The following CDH9 variants were observed in gnomAD, a reference collection of about 807,000 sequenced individuals.
CDH9 encodes the protein cadherin 9.
In CDH9, 28 loss-of-function variants were observed where a neutral mutation model predicts 70.9. That is an observed-to-expected ratio of 0.40 (90% CI 0.29 to 0.54). The LOEUF (loss-of-function observed/expected upper bound fraction) is 0.54, where lower values mean the gene tolerates loss of function less well. Among genes scored for constraint, CDH9 ranks in the 20% least tolerant of loss-of-function variants. The pLI, the probability that CDH9 is intolerant of heterozygous loss-of-function variation, is 0.59. For synonymous variants in CDH9, 409 were observed against 343.1 expected (o/e 1.19, Z -2.12); for missense variants, 874 against 984.4 (o/e 0.89, Z 1.50).
chr5:27,035,573 CA>C (rs1743377071), intron 1 of CDH9, among the ~76,000 whole-genome samples: 1 of 151,370 alleles, frequency 6.6e-6, no homozygotes, highest in Non-Finnish European at 1.5e-5. Flanking sequence ...TAACTTTAAG[CA>C]GACGATTTAC....
chr5:26,898,517 C>A (rs895259073), intron 7 of CDH9, among the ~76,000 whole-genome samples: 7 of 152,066 alleles, frequency 4.6e-5, no homozygotes, highest in Non-Finnish European at 8.8e-5. Context: ...AATAATGCCA[C>A]ATATCTACAG....
intron 2 of CDH9, among the ~76,000 whole-genome samples, chr5:26,964,793 C>G (rs1742100936): frequency 7.0e-6 from 1 of 143,570 alleles, no homozygotes; most frequent in Non-Finnish European, 1.5e-5. Context: ...ACCCCCACCA[C>G]CCCCCAACAG....
At chr5:27,035,193 T>A (rs1579526028) in intron 1 of CDH9, among the ~76,000 whole-genome samples, 3 of 127,860 alleles carry the variant, frequency 2.3e-5, no homozygotes, top group African/African-American at 5.9e-5. Context: ...ATATATATAT[T>A]TAACTTGACA....
At chr5:27,016,863 A>C (rs536952834) in intron 1 of CDH9, among the ~76,000 whole-genome samples, 2 of 151,898 alleles carry the variant, frequency 1.3e-5, no homozygotes, top group Admixed American at 1.3e-4. Flanking sequence ...TTATTCATTC[A>C]ATATTAAATC....
At chr5:26,994,251 T>C (rs548875374) in intron 1 of CDH9, among the ~76,000 whole-genome samples, 1 of 152,274 alleles carries the variant, frequency 6.6e-6, no homozygotes, top group East Asian at 1.9e-4. Flanking sequence ...TTGGAATAAG[T>C]ATAGACTTTG....
intron 1 of CDH9, among the ~76,000 whole-genome samples, chr5:27,030,203 C>T (rs1308833784): frequency 6.6e-6 from 1 of 151,864 alleles, no homozygotes; most frequent in East Asian, 1.9e-4. Context: ...GTGACCTTGA[C>T]AATACTCAAC....
chr5:26,934,693 A>G (rs369283444), intron 2 of CDH9, among the ~76,000 whole-genome samples: 5 of 152,296 alleles, frequency 3.3e-5, no homozygotes, highest in South Asian at 2.1e-4. Flanking sequence ...AAATGCCATC[A>G]TCTACCACTG....
intron 1 of CDH9, among the ~76,000 whole-genome samples, chr5:26,997,429 G>A (rs1290618288): frequency 6.6e-6 from 1 of 151,936 alleles, no homozygotes; most frequent in African/African-American, 2.4e-5. Flanking sequence ...TCTTGGAGAT[G>A]GCCAAGATAC....
intron 7 of CDH9, among the ~76,000 whole-genome samples, chr5:26,901,949 T>G (rs1402550524): frequency 6.6e-6 from 1 of 151,938 alleles, no homozygotes; most frequent in Non-Finnish European, 1.5e-5. Context: ...AATTTTGATA[T>G]GTGTTAGGCC....
chr5:26,906,770 C>T lies in CDH9; in HGVS notation c.592G>A (p.Val198Ile), dbSNP rs1261073842. The part of the protein sequence containing the change: ...DANYGNSAKV[V>I]YSILQGQPYF... ...GGCTGTCCTTGCAATATGCTATAGA[C>T]CACTTTGGCACTATTTCCATAGTTG... is the stretch of plus-strand genomic sequence containing the variant. Residue 198 changes from valine to isoleucine, a missense_variant, in exon 4 of 12, where the codon GTC (valine) becomes ATC (isoleucine). By Grantham distance (29) the Val-to-Ile change is conservative. Transcript: ENST00000231021. 3 of 1,613,036 alleles carry T rather than the reference C, an allele frequency of 1.9e-6. No homozygotes were observed. In the East Asian group the frequency reaches 6.7e-5, roughly 36 times the overall value.
intron 1 of CDH9, among the ~76,000 whole-genome samples, chr5:27,012,726 A>C (rs1007518673): frequency 6.6e-6 from 1 of 152,048 alleles, no homozygotes; most frequent in Non-Finnish European, 1.5e-5. Flanking sequence ...ATGTACTCTA[A>C]CTTAACTTCA....
intron 1 of CDH9, among the ~76,000 whole-genome samples, chr5:27,001,840 A>ACTCTCTCTCTCTCTCT (rs1275615228): frequency 1.6e-5 from 2 of 123,552 alleles, no homozygotes; most frequent in African/African-American, 7.2e-5. Context: ...ACACACACAC[A>ACTCTCTCTCTCTCTCT]CACACTCTCT....
chr5:26,911,926 G>A (rs538501482), intron 3 of CDH9, among the ~76,000 whole-genome samples: 128 of 152,114 alleles, frequency 8.4e-4, no homozygotes, highest in Middle Eastern at 3.4e-3. Context: ...GAAGCAGAGG[G>A]AAACAAGAAG....
intron 2 of CDH9, among the ~76,000 whole-genome samples, chr5:26,979,190 T>C (rs1293578691): frequency 6.6e-6 from 1 of 151,656 alleles, no homozygotes; most frequent in Non-Finnish European, 1.5e-5. Flanking sequence ...GTTTACAATA[T>C]ATATAAGAAA....
chr5:26,882,083 A>G (rs1740477820), intron 11 of CDH9, among the ~76,000 whole-genome samples: 2 of 152,096 alleles, frequency 1.3e-5, no homozygotes, highest in African/African-American at 2.4e-5. Flanking sequence ...ATACTTGTAT[A>G]TGCATTATAT....
chr5:26,883,141 G>A (rs1740501297), intron 11 of CDH9, among the ~76,000 whole-genome samples: 1 of 128,250 alleles, frequency 7.8e-6, no homozygotes, highest in South Asian at 2.5e-4. Flanking sequence ...TTTAAAAGAT[G>A]GACATAAGAT....
At chr5:27,020,089 CTT>C (rs1362612543) in intron 1 of CDH9, among the ~76,000 whole-genome samples, 1 of 151,640 alleles carries the variant, frequency 6.6e-6, no homozygotes, top group East Asian at 1.9e-4. Context: ...TTTTATATAA[CTT>C]GTGATGGCAT....
chr5:26,956,923 T>A (rs1741955925), intron 2 of CDH9, among the ~76,000 whole-genome samples: 1 of 151,874 alleles, frequency 6.6e-6, no homozygotes, highest in Middle Eastern at 3.2e-3. Context: ...ACATTAAGAA[T>A]AGTGTCTGGG....
At chr5:26,958,649 G>T (rs1203820357) in intron 2 of CDH9, among the ~76,000 whole-genome samples, 7 of 152,104 alleles carry the variant, frequency 4.6e-5, no homozygotes, top group Non-Finnish European at 7.4e-5. Context: ...CTCAGTACAA[G>T]AAAAAGTTGT....
Sources: allele counts gnomAD v4.1 joint callset (sites outside exome capture counted in the v4.1 genomes callset), GRCh38; gene constraint gnomAD v4.1.1; transcripts MANE v1.5; gene names NCBI Gene and HGNC (gene_info 2026-07-23, HGNC 2026-07-21).